Variants in CTNNA2 observed in about 807,000 individuals in gnomAD.
CTNNA2 encodes catenin alpha-2.
Under a neutral mutation model 101.0 loss-of-function variants are expected in CTNNA2, and 42 were observed. The ratio of observed to expected loss-of-function variants is 0.42; its 90% confidence interval spans 0.32 to 0.54. CTNNA2 has a LOEUF of 0.54. CTNNA2 is among the 20% of genes least tolerant of loss of function. The pLI is 0.14. For missense variants in CTNNA2, 871 were observed against 1,223.1 expected (o/e 0.71, Z 4.29); for synonymous variants, 450 against 456.4 (o/e 0.99, Z 0.18).
chr2:80,021,542 G>T (rs963646778), intron 7 of CTNNA2, among the ~76,000 whole-genome samples: 3 of 152,024 alleles, frequency 2.0e-5, no homozygotes, highest in Non-Finnish European at 4.4e-5. Flanking sequence ...CACACTCTAG[G>T]AGCTGCAAAT....
At chr2:80,194,253 C>G (rs538761378) in intron 7 of CTNNA2, among the ~76,000 whole-genome samples, 1 of 152,236 alleles carries the variant, frequency 6.6e-6, no homozygotes, top group East Asian at 1.9e-4. Context: ...TGGCATACAT[C>G]AGGAAATACT....
intron 2 of CTNNA2, among the ~76,000 whole-genome samples, chr2:79,207,209 C>CT (rs1448042939): frequency 3.9e-5 from 6 of 152,138 alleles, no homozygotes; most frequent in African/African-American, 1.4e-4. Flanking sequence ...CACTTTTGTC[C>CT]TGGGAGTATT....
intron 7 of CTNNA2, among the ~76,000 whole-genome samples, chr2:80,249,690 C>G (rs1671604433): frequency 6.6e-6 from 1 of 152,152 alleles, no homozygotes; most frequent in Admixed American, 6.6e-5. Flanking sequence ...TTCTAAGATA[C>G]ATATTTAAAA....
intron 3 of CTNNA2, among the ~76,000 whole-genome samples, chr2:79,353,429 C>T (rs1437166965): frequency 2.6e-5 from 4 of 152,118 alleles, no homozygotes; most frequent in Admixed American, 6.5e-5. Context: ...TGTTAGAGTA[C>T]GTACTGTGTG....
chr2:80,141,360 C>G (rs539249735), intron 7 of CTNNA2, among the ~76,000 whole-genome samples: 1 of 151,882 alleles, frequency 6.6e-6, no homozygotes, highest in Non-Finnish European at 1.5e-5. Flanking sequence ...ACTTACCAAG[C>G]AGAGGATGAG....
chr2:80,374,533 G>A (rs1675743504), intron 7 of CTNNA2, among the ~76,000 whole-genome samples: 1 of 152,048 alleles, frequency 6.6e-6, no homozygotes, highest in Admixed American at 6.6e-5. Context: ...GAAAACAACA[G>A]AAATTTGTTT....
At chr2:79,647,805 G>C (rs1034312703) in intron 1 of CTNNA2, among the ~76,000 whole-genome samples, 1 of 152,174 alleles carries the variant, frequency 6.6e-6, no homozygotes. Flanking sequence ...ATGTGTTGAT[G>C]GTTTGGTTGG....
chr2:79,529,396 A>C (rs557790522), intron 1 of CTNNA2, among the ~76,000 whole-genome samples: 28 of 145,616 alleles, frequency 1.9e-4, no homozygotes, highest in Non-Finnish European at 3.5e-4. Flanking sequence ...AAATATGAAG[A>C]GCTTACAGGA....
At chr2:79,845,237 C>G (rs1283270714) in intron 3 of CTNNA2, among the ~76,000 whole-genome samples, 1 of 120,704 alleles carries the variant, frequency 8.3e-6, no homozygotes. Flanking sequence ...TATAGTTGTT[C>G]TGCAGGTGAT....
At position 80,490,291 on chromosome 2, in the gene CTNNA2, G is replaced by A. The variant is rs1263215910; in HGVS notation, c.1291-54691G>A. Among the ~76,000 whole-genome samples, 11 of 49,852 alleles carry A rather than the reference G, an allele frequency of 2.2e-4. 1 individual carries two copies. The highest frequency in any genetic ancestry group is 1.1e-3 in the South Asian group (2 of 1,836). The allele number at this position is 49,852 out of a possible 152,430, so 32.7% of individuals were successfully genotyped here. ...TTCCTTCCCCCCCCACCCCCCCCCC[G>A]GTAAAGCACCAGATAGTAAATATTT... On this transcript the variant is annotated intron_variant, in intron 9 of 18. Transcript: ENST00000402739.
chr2:80,136,199 C>G (rs1702686198), intron 7 of CTNNA2, among the ~76,000 whole-genome samples: 1 of 152,088 alleles, frequency 6.6e-6, no homozygotes, highest in South Asian at 2.1e-4. Context: ...TGCATAATGA[C>G]TGTTCTTGAT....
intron 9 of CTNNA2, among the ~76,000 whole-genome samples, chr2:80,542,268 AG>A (rs1558567876): frequency 2.0e-5 from 3 of 151,938 alleles, no homozygotes; most frequent in Non-Finnish European, 4.4e-5. Flanking sequence ...TATATATTAT[AG>A]TTTGTTTTTT....
chr2:80,215,574 G>A (rs1708212035), intron 7 of CTNNA2, among the ~76,000 whole-genome samples: 1 of 152,194 alleles, frequency 6.6e-6, no homozygotes, highest in Admixed American at 6.5e-5. Flanking sequence ...CTGCAGAACA[G>A]CAAATATTGC....
At chr2:80,364,846 T>A (rs1674769691) in intron 7 of CTNNA2, among the ~76,000 whole-genome samples, 1 of 152,150 alleles carries the variant, frequency 6.6e-6, no homozygotes, top group African/African-American at 2.4e-5. Context: ...AGAAAGTGTT[T>A]TATCTTTTCT....
intron 7 of CTNNA2, among the ~76,000 whole-genome samples, chr2:80,172,963 G>A (rs1204742882): frequency 6.6e-6 from 1 of 152,156 alleles, no homozygotes; most frequent in Non-Finnish European, 1.5e-5. Context: ...TTCAAATAAG[G>A]TCACATTCTG....
intron 3 of CTNNA2, among the ~76,000 whole-genome samples, chr2:79,798,665 G>A (rs1675913423): frequency 6.7e-6 from 1 of 148,858 alleles, no homozygotes; most frequent in Admixed American, 6.8e-5. Flanking sequence ...GGCCTTCGAA[G>A]ATGACTCAAA....
chr2:79,678,394 T>C (rs763388313), intron 2 of CTNNA2, among the ~76,000 whole-genome samples: 1 of 151,654 alleles, frequency 6.6e-6, no homozygotes, highest in Non-Finnish European at 1.5e-5. Context: ...AATCCAAAAG[T>C]TAGTTGGGTG....
intron 9 of CTNNA2, among the ~76,000 whole-genome samples, chr2:80,539,711 T>C (rs1040850345): frequency 2.6e-5 from 4 of 152,168 alleles, no homozygotes; most frequent in African/African-American, 9.7e-5. Context: ...TCCATTATGC[T>C]CTCAGAAGTT....
chr2:79,235,487 C>T (rs1379374765), intron 2 of CTNNA2, among the ~76,000 whole-genome samples: 1 of 151,996 alleles, frequency 6.6e-6, no homozygotes. Flanking sequence ...CCCTTCTGAC[C>T]GCTGACTCCA....
Sources: allele counts gnomAD v4.1 joint callset (sites outside exome capture counted in the v4.1 genomes callset), GRCh38; gene constraint gnomAD v4.1.1; transcripts MANE v1.5; gene names NCBI Gene and HGNC (gene_info 2026-07-23, HGNC 2026-07-21).